RFWD3: variants seen among roughly 807,000 people sequenced by gnomAD.
RFWD3 encodes E3 ubiquitin-protein ligase RFWD3.
RFWD3 carries 65 observed loss-of-function variants against 87.7 expected under a neutral mutation model. The ratio of observed to expected loss-of-function variants is 0.74; its 90% confidence interval spans 0.61 to 0.91. The LOEUF (loss-of-function observed/expected upper bound fraction) is 0.91, where lower values mean the gene tolerates loss of function less well. RFWD3 is among the 40% of genes least tolerant of loss of function. The probability of loss-of-function intolerance (pLI) is 0.00; values close to 1 mark genes in which losing one functional copy is unlikely to be tolerated. For missense variants in RFWD3, 1,078 were observed against 938.5 expected (o/e 1.15, Z -1.94); for synonymous variants, 433 against 352.8 (o/e 1.23, Z -2.55).
chr16:74,628,510 G>GC lies in RFWD3; in HGVS notation c.1910dup (p.Cys638LeufsTer20). On this transcript the variant is annotated frameshift_variant, in exon 11 of 13. Coordinates refer to ENST00000361070, the MANE Select transcript of RFWD3 (RefSeq NM_018124.4). LOFTEE classifies it high-confidence loss of function. ...TGTTCTCTGTCTGAAAGTCTATGCA[G>GC]CCCCCTGGCTCCAAGGGCAGCACAT... 6.2e-7 allele frequency: 1 copy of GC among 1,614,150 alleles called. No individual in the cohort carries two copies. Among genetic ancestry groups the GC allele is most frequent in the Non-Finnish European group, 8.5e-7 (1 of 1,180,024 alleles).
intron 6 of RFWD3, among the ~76,000 whole-genome samples, chr16:74,642,212 T>A (rs1295589812): frequency 6.6e-6 from 1 of 151,846 alleles, no homozygotes; most frequent in East Asian, 1.9e-4. Flanking sequence ...AACCTCCGCC[T>A]CCCAGGTTCA....
chr16:74,649,428 T>C (rs185549193), intron 3 of RFWD3, among the ~76,000 whole-genome samples: 2 of 152,322 alleles, frequency 1.3e-5, no homozygotes, highest in East Asian at 1.9e-4. Context: ...CAGAACAGTA[T>C]AGTTAAGCCA....
intron 6 of RFWD3, among the ~76,000 whole-genome samples, chr16:74,642,735 C>T (rs1418617061): frequency 6.6e-6 from 1 of 152,216 alleles, no homozygotes; most frequent in Non-Finnish European, 1.5e-5. Flanking sequence ...TCAAGCAATC[C>T]TCCTGCCTCG....
At chr16:74,664,908 G>A (rs1313982623) in intron 1 of RFWD3, among the ~76,000 whole-genome samples, 16 of 152,288 alleles carry the variant, frequency 1.1e-4, no homozygotes, top group African/African-American at 1.7e-4. Flanking sequence ...TGCAGTTCTG[G>A]AGCTGAAGCT....
In RFWD3 at chr16:74,644,362, C is replaced by T. The variant is rs768578105; in HGVS notation, c.1079G>A (p.Ser360Asn). The T allele has an allele frequency of 1.2e-6, 2 of 1,614,050 alleles. No homozygotes were observed. The highest frequency in any genetic ancestry group is 1.7e-6 in the Non-Finnish European group (2 of 1,180,010). Reference protein sequence around the residue: ...LDTSEQERMKSSLLKEQMLRK... With the variant: ...LDTSEQERMKNSLLKEQMLRK... ...AGCCAGGCATACTCTTACCACCTAC[C>T]TTTTCATGCGCTCCTGTTCACTAGT... The change falls in exon 6 of 13, where the codon AGT becomes AAT. Residue 360 changes from serine to asparagine, a missense_variant and splice_region_variant. Physicochemically the swap from Ser to Asn is conservative, Grantham distance 46. Transcript: ENST00000361070.
intron 11 of RFWD3, 96 bp downstream of exon 11, chr16:74,628,356 T>A: frequency 1.7e-6 from 2 of 1,164,992 alleles, no homozygotes; most frequent in Admixed American, 1.9e-5. Context: ...CTGTGAGCGG[T>A]ACCACAGCCA....
Position 74,661,055 on chromosome 16 carries a change from C to T in RFWD3, c.395G>A (p.Gly132Asp). The T allele has an allele frequency of 1.2e-6, 2 of 1,614,202 alleles. No individual in the cohort carries two copies. Among genetic ancestry groups the T allele is most frequent in the Non-Finnish European group, 1.7e-6 (2 of 1,180,040 alleles). ...NFISGLQRLH[G>D]MLEFLRPSSS... ...TGAAGGTCTCAGGAATTCCAGCATG[C>T]CATGAAGTCTCTGCAGTCCGCTGAT... is the stretch of plus-strand genomic sequence containing the variant. The change falls in exon 2 of 13, where the codon GGC (glycine) becomes GAC (aspartate). Residue 132 changes from glycine to aspartate, a missense_variant. Gly to Asp is a moderately conservative substitution (Grantham distance 94). Coordinates refer to ENST00000361070, the MANE Select transcript of RFWD3 (RefSeq NM_018124.4).
chr16:74,624,004 C>T lies in RFWD3; in HGVS notation c.2249G>A (p.Cys750Tyr), dbSNP rs1426392288. 1 of 1,614,078 alleles carries T rather than the reference C, an allele frequency of 6.2e-7. No individual in the cohort carries two copies. The highest frequency in any genetic ancestry group is 8.5e-7 in the Non-Finnish European group (1 of 1,180,006). The change falls in exon 13 of 13, where the codon TGC becomes TAC. Residue 750 changes from cysteine to tyrosine, a missense_variant. Physicochemically the swap from Cys to Tyr is radical, Grantham distance 194. Transcript: ENST00000361070. ...LQTDQPVLDI[C>Y]PFEVNRNSYL... ...GCTGTTACGGTTCACCTCAAATGGG[C>T]AGATGTCCAACACAGGCTGATCGGT...
chr16:74,648,055 T>G (rs1960293161), intron 4 of RFWD3, among the ~76,000 whole-genome samples: 1 of 152,182 alleles, frequency 6.6e-6, no homozygotes. Flanking sequence ...CAAGTAATCC[T>G]GTCTCAGACT....
At chr16:74,637,812 A>G (rs1158582851) in intron 7 of RFWD3, 44 bp downstream of exon 7, 2 of 1,402,672 alleles carry the variant, frequency 1.4e-6, no homozygotes, top group African/African-American at 2.8e-5. Flanking sequence ...TTCCTCTTCC[A>G]TTCCTATTCC....
intron 9 of RFWD3, among the ~76,000 whole-genome samples, chr16:74,631,463 A>ACTCTCTCTCT (rs56056110): frequency 0.39 from 58,597 of 150,002 alleles, 11,934 homozygotes; most frequent in Admixed American, 0.45. Context: ...ACAGAGTGAG[A>ACTCTCTCTCT]CTCTCTCTCT....
chr16:74,644,310 C>T, intron 6 of RFWD3, 52 bp downstream of exon 6: 5 of 1,574,404 alleles, frequency 3.2e-6, no homozygotes, highest in Admixed American at 1.7e-5. Flanking sequence ...TCAGATGTGC[C>T]TACAATGAAC....
chr16:74,660,721 A>C, intron 2 of RFWD3: 1 of 555,232 alleles, frequency 1.8e-6, no homozygotes. Flanking sequence ...CCAACAAACT[A>C]CCACCTAGTT....
At chr16:74,663,199 C>T (rs1040166172) in intron 1 of RFWD3, among the ~76,000 whole-genome samples, 1 of 152,044 alleles carries the variant, frequency 6.6e-6, no homozygotes, top group Non-Finnish European at 1.5e-5. Context: ...CCACCGCGCC[C>T]GGCCAATACT....
At chr16:74,652,236 T>A (rs1255775673) in intron 2 of RFWD3, 114 bp from the exon 3 acceptor site, 6 of 918,634 alleles carry the variant, frequency 6.5e-6, no homozygotes, top group Non-Finnish European at 9.8e-6. Flanking sequence ...GGCCATTAAA[T>A]GCTGCCTTTG....
chr16:74,662,783 G>A (rs1001428618), intron 1 of RFWD3, among the ~76,000 whole-genome samples: 1 of 152,216 alleles, frequency 6.6e-6, no homozygotes, highest in Non-Finnish European at 1.5e-5. Context: ...GCATAAGCTA[G>A]GTGACCAGTG....
chr16:74,630,147 G>C (rs368128720), intron 10 of RFWD3, among the ~76,000 whole-genome samples: 46 of 152,202 alleles, frequency 3.0e-4, no homozygotes, highest in African/African-American at 1.1e-3. Flanking sequence ...CCAGACTGGA[G>C]TGCAACGGCG....
chr16:74,634,564 T>A (rs1373365544), intron 8 of RFWD3, among the ~76,000 whole-genome samples: 1 of 152,030 alleles, frequency 6.6e-6, no homozygotes, highest in Non-Finnish European at 1.5e-5. Context: ...AAGAAAAATT[T>A]TTTTTATAGC....
chr16:74,625,665 T>G (rs1408023206), intron 12 of RFWD3, among the ~76,000 whole-genome samples: 1 of 152,210 alleles, frequency 6.6e-6, no homozygotes, highest in Non-Finnish European at 1.5e-5. Flanking sequence ...GTGCTATCAT[T>G]AAACTTGTTC....
Sources: gnomAD v4.1 joint callset for allele counts (sites outside exome capture counted in the v4.1 genomes callset) on GRCh38, gnomAD v4.1.1 for gene constraint, MANE v1.5 for transcripts, NCBI Gene and HGNC (gene_info 2026-07-23, HGNC 2026-07-21) for gene names.